Variants in PRIM2 observed in about 807,000 individuals in gnomAD.
PRIM2 encodes DNA primase subunit 2, also known as DNA primase large subunit.
A neutral mutation model predicts 67.3 loss-of-function variants in PRIM2; 39 were observed. That is an observed-to-expected ratio of 0.58 (90% confidence interval 0.45 to 0.76). The LOEUF is 0.76. Among genes scored for constraint, PRIM2 ranks in the 30% least tolerant of loss-of-function variants. The pLI, the probability that PRIM2 is intolerant of heterozygous loss-of-function variation, is 0.00. For synonymous variants in PRIM2, 143 were observed against 198.7 expected (o/e 0.72, Z 2.36); for missense variants, 398 against 598.7 (o/e 0.66, Z 3.50).
intron 5 of PRIM2, among the ~76,000 whole-genome samples, chr6:57,340,990 T>C (rs1445070159): frequency 6.6e-6 from 1 of 152,218 alleles, no homozygotes; most frequent in Non-Finnish European, 1.5e-5. Context: ...CCATATTTTA[T>C]TTATTTATAA....
chr6:57,327,270 T>A (rs1464070833), intron 5 of PRIM2, among the ~76,000 whole-genome samples: 1 of 152,156 alleles, frequency 6.6e-6, no homozygotes, highest in African/African-American at 2.4e-5. Flanking sequence ...TTTGGAAGTT[T>A]TAGAGCAGTC....
chr6:57,246,347 T>G, the PRIM2 span, among the ~76,000 whole-genome samples: 18 of 152,240 alleles, frequency 1.2e-4, no homozygotes, highest in Non-Finnish European at 1.6e-4. Flanking sequence ...GAAAGAATAC[T>G]ATTCTACCTA....
chr6:57,343,780 G>T (rs1768578881), intron 5 of PRIM2, among the ~76,000 whole-genome samples: 1 of 152,182 alleles, frequency 6.6e-6, no homozygotes, highest in Non-Finnish European at 1.5e-5. Context: ...CATGTCATTT[G>T]TTAAGGATAG....
In PRIM2 at chr6:57,464,897, C is replaced by T. The variant is rs73750406; in HGVS notation, c.694-42490C>T. ...TATACTTTAAGGTAGGTACTATTAC[C>T]GTCCCTCTTTTTCAGATAAGAAAGT... On this transcript the variant is annotated intron_variant, in intron 7 of 13. Transcript: ENST00000615550. 6.6e-5 allele frequency among the ~76,000 whole-genome samples: 10 copies of T among 152,140 alleles called. No homozygotes were observed. In the South Asian group the frequency reaches 8.3e-4, roughly 13 times the overall value.
intron 5 of PRIM2, among the ~76,000 whole-genome samples, chr6:57,336,035 C>T (rs1768233694): frequency 6.6e-6 from 1 of 151,924 alleles, no homozygotes; most frequent in African/African-American, 2.4e-5. Context: ...GAGCTGAAAA[C>T]CAAGGCTCGA....
intron 10 of PRIM2, among the ~76,000 whole-genome samples, chr6:57,584,571 A>G (rs1468251218): frequency 5.3e-5 from 8 of 152,214 alleles, no homozygotes; most frequent in African/African-American, 1.7e-4. Context: ...TATGGAGTCC[A>G]GAACTGAAAA....
At chr6:57,244,229 C>T in the PRIM2 span, among the ~76,000 whole-genome samples, 7 of 152,248 alleles carry the variant, frequency 4.6e-5, no homozygotes, top group East Asian at 3.9e-4. Context: ...CTTTATTTGC[C>T]GGAAGCTGGG....
chr6:57,324,360 G>A (rs1162049142), intron 4 of PRIM2, 80 bp downstream of exon 4: 2 of 824,734 alleles, frequency 2.4e-6, no homozygotes, highest in Non-Finnish European at 4.0e-6. Context: ...GATGTGTTGT[G>A]CTAAACATAG....
At chr6:57,309,446 C>T in the PRIM2 span, among the ~76,000 whole-genome samples, 1 of 151,792 alleles carries the variant, frequency 6.6e-6, no homozygotes, top group African/African-American at 2.4e-5. Context: ...CAATTTCATC[C>T]ATATCCCTAC....
intron 13 of PRIM2, among the ~76,000 whole-genome samples, chr6:57,635,145 A>G (rs1439070231): frequency 6.5e-4 from 99 of 152,294 alleles, no homozygotes; most frequent in African/African-American, 2.3e-3. Context: ...CAGCAGCACT[A>G]TGATAGTTCC....
At chr6:57,298,180 C>A in the PRIM2 span, among the ~76,000 whole-genome samples, 1 of 151,882 alleles carries the variant, frequency 6.6e-6, no homozygotes, top group African/African-American at 2.4e-5. Flanking sequence ...GCCAATGTGG[C>A]GAAACCCCGT....
At chr6:57,627,186 A>G (rs1360527108) in intron 12 of PRIM2, among the ~76,000 whole-genome samples, 1 of 139,610 alleles carries the variant, frequency 7.2e-6, no homozygotes, top group Non-Finnish European at 1.5e-5. Context: ...GAGCTGAGGC[A>G]GGAGAATCAC....
At chr6:57,322,815 G>C (rs1176696391) in intron 3 of PRIM2, among the ~76,000 whole-genome samples, 1 of 152,204 alleles carries the variant, frequency 6.6e-6, no homozygotes, top group African/African-American at 2.4e-5. Context: ...GGGACTGAAG[G>C]ATTCTGCCTG....
At chr6:57,642,688 G>C (rs1238932783) in intron 13 of PRIM2, among the ~76,000 whole-genome samples, 2 of 152,066 alleles carry the variant, frequency 1.3e-5, no homozygotes, top group African/African-American at 2.4e-5. Context: ...TGATCCGCCC[G>C]TCTCGGCCTC....
chr6:57,274,174 G>A, the PRIM2 span, among the ~76,000 whole-genome samples: 1 of 152,246 alleles, frequency 6.6e-6, no homozygotes, highest in East Asian at 1.9e-4. Context: ...GGACATTTAT[G>A]TCTGCAGAGG....
the PRIM2 span, among the ~76,000 whole-genome samples, chr6:57,292,728 A>G: frequency 6.6e-6 from 1 of 152,238 alleles, no homozygotes. Context: ...GACAAAAACA[A>G]GCAATGGGGA....
the PRIM2 span, among the ~76,000 whole-genome samples, chr6:57,240,098 T>G: frequency 1.3e-5 from 1 of 75,814 alleles, no homozygotes; most frequent in African/African-American, 4.5e-5. Context: ...TCTGTTTTTT[T>G]TTTTTTTTTT....
intron 7 of PRIM2, among the ~76,000 whole-genome samples, chr6:57,426,580 A>T (rs1374255830): frequency 1.3e-5 from 2 of 152,238 alleles, no homozygotes; most frequent in African/African-American, 4.8e-5. Flanking sequence ...ACAGTGAGAT[A>T]CAGCAGTACA....
At chr6:57,534,536 A>G (rs1774959693) in intron 9 of PRIM2, among the ~76,000 whole-genome samples, 2 of 152,090 alleles carry the variant, frequency 1.3e-5, no homozygotes, top group African/African-American at 4.8e-5. Context: ...TACTGCCCAC[A>G]CCTCTTAAGT....
Sources: allele counts gnomAD v4.1 joint callset (sites outside exome capture counted in the v4.1 genomes callset), GRCh38; gene constraint gnomAD v4.1.1; transcripts MANE v1.5; gene names NCBI Gene and HGNC (gene_info 2026-07-23, HGNC 2026-07-21).